CCDC88C: variants seen among roughly 807,000 people sequenced by gnomAD.
The protein encoded by CCDC88C is coiled-coil and HOOK domain protein 88C, also known as protein Daple.
In CCDC88C, 131 loss-of-function variants were observed where a neutral mutation model predicts 198.8. The ratio of observed to expected loss-of-function variants is 0.66; its 90% CI spans 0.57 to 0.76. The LOEUF (loss-of-function observed/expected upper bound fraction) is 0.76, where lower values mean the gene tolerates loss of function less well. Ranked by LOEUF, CCDC88C falls within the 30% of genes least tolerant of loss-of-function variation. The probability of loss-of-function intolerance (pLI) is 0.00; values close to 1 mark genes in which losing one functional copy is unlikely to be tolerated. For synonymous variants in CCDC88C, 1,166 were observed against 1,114.7 expected, an observed-to-expected ratio of 1.05 and a Z score of -0.92; for missense variants, 2,553 against 2,631.6, an observed-to-expected ratio of 0.97 and a Z score of 0.65.
intron 22 of CCDC88C, among the ~76,000 whole-genome samples, chr14:91,294,684 T>C (rs1890923241): frequency 6.6e-6 from 1 of 152,248 alleles, no homozygotes; most frequent in African/African-American, 2.4e-5. Context: ...GATGGAGTTT[T>C]GCTCTTGTTG....
In CCDC88C at chr14:91,339,801, T is replaced by C; in HGVS notation, c.624+83A>G. On this transcript the variant is annotated intron_variant, in intron 7 of 29. Coordinates refer to ENST00000389857, the MANE Select transcript of CCDC88C (RefSeq NM_001080414.4). The surrounding 1 kb of genome is among the most constrained non-coding windows in gnomAD (Gnocchi z 5.8). ...GAACCTCAGCAGCAGGACCGAGGCG[T>C]CTAGGCTGAAGATGAAGGGAGAGGA... 7.0e-7 allele frequency: 1 copy of C among 1,431,404 alleles called. No individual in the cohort carries two copies. Among genetic ancestry groups the C allele is most frequent in the Non-Finnish European group, 9.3e-7 (1 of 1,080,208 alleles). 88.7% of individuals were successfully genotyped at this position (1,431,404 alleles called of 1,614,324 possible).
intron 15 of CCDC88C, among the ~76,000 whole-genome samples, chr14:91,310,926 A>G (rs1891792550): frequency 6.6e-6 from 1 of 152,106 alleles, no homozygotes; most frequent in African/African-American, 2.4e-5. Context: ...GCTCCCCCAA[A>G]TTTCCCAGCC....
At chr14:91,382,604 C>T (rs751018600) in intron 3 of CCDC88C, among the ~76,000 whole-genome samples, 34 of 152,102 alleles carry the variant, frequency 2.2e-4, no homozygotes, top group Non-Finnish European at 4.6e-4. Context: ...CCAGAGAAGA[C>T]GGAGAAATAC....
chr14:91,290,903 G>A (rs140202979), intron 24 of CCDC88C, 92 bp downstream of exon 24: 38 of 749,720 alleles, frequency 5.1e-5, no homozygotes, highest in Non-Finnish European at 6.4e-5. Flanking sequence ...TGGATGGTGC[G>A]GGGCCTGCCC....
At position 91,273,273 on chromosome 14, in the gene CCDC88C, G is replaced by A; in HGVS notation, c.5439C>T (p.Leu1813=). Residue 1813 remains leucine, a synonymous_variant, in exon 30 of 30, where the codon CTC becomes CTT. Coordinates refer to ENST00000389857, the MANE Select transcript of CCDC88C (RefSeq NM_001080414.4). This position sits in a 1 kb window ranked among gnomAD's most constrained non-coding sequence, Gnocchi z 5.6. ...RAFSLASADL[L]RASGPEACKQ... is the part of the protein sequence containing the mutation. ...TGCAGGCCTCTGGCCCGCTGGCCCG[G>A]AGAAGGTCAGCTGAGGCCAGGCTGA... 6.4e-7 allele frequency: 1 copy of A among 1,559,656 alleles called. No homozygotes were observed. Among genetic ancestry groups the A allele is most frequent in the Non-Finnish European group, 8.7e-7 (1 of 1,151,560 alleles).
Position 91,273,605 on chromosome 14 carries a change from C to G in CCDC88C, c.5107G>C (p.Ala1703Pro). ...DDLLSDYFRK[A>P]SDPPAIGGQP... ...CCTCCGATGGCTGGGGGATCGCTGG[C>G]CTTTCGGAAGTAGTCACTCAGCAGG... The change falls in exon 30 of 30, where the codon GCC becomes CCC. Residue 1703 changes from alanine (A) to proline (P), a missense_variant. Ala to Pro is a conservative substitution (Grantham distance 27). Around this residue, in one of 2 missense-constraint regions of CCDC88C, gnomAD observed 1,293 missense variants for 1,219.6 expected, o/e 1.06. Transcript: ENST00000389857. The surrounding 1 kb of genome is among the most constrained non-coding windows in gnomAD (Gnocchi z 5.6). 3 of 1,492,544 alleles carry G rather than the reference C, an allele frequency of 2.0e-6. No homozygotes were observed. The highest frequency in any genetic ancestry group is 2.7e-6 in the Non-Finnish European group (3 of 1,120,262). The allele number at this position is 1,492,544 out of a possible 1,614,324, so 92.5% of individuals were successfully genotyped here. A position where few individuals can be genotyped will look rare whatever the true frequency, so the allele number is the denominator to read the frequency against.
Position 91,321,112 on chromosome 14 carries a change from C to A in CCDC88C, c.1527+8G>T, listed in dbSNP as rs151228192. 1 of 1,603,322 alleles carries A rather than the reference C, an allele frequency of 6.2e-7. No individual in the cohort carries two copies. Among genetic ancestry groups the A allele is most frequent in the Non-Finnish European group, 8.5e-7 (1 of 1,174,736 alleles). ...TGCTTCCCCGGTGGCCTAAGGAGGC[C>A]GAGGTACCTTCTTGCTGAGCTGGTG... is the stretch of plus-strand genomic sequence containing the variant. On this transcript the variant is annotated splice_region_variant and intron_variant, in intron 13 of 29. Coordinates refer to ENST00000389857, the MANE Select transcript of CCDC88C (RefSeq NM_001080414.4).
At chr14:91,342,150 G>T (rs78925258) in intron 6 of CCDC88C, 3 of 326,670 alleles carry the variant, frequency 9.2e-6, no homozygotes, top group African/African-American at 2.2e-5. Flanking sequence ...TGATTGAGGT[G>T]TTTTTTTTTT....
chr14:91,380,723 G>T (rs879883882), intron 3 of CCDC88C, among the ~76,000 whole-genome samples: 3 of 152,044 alleles, frequency 2.0e-5, no homozygotes, highest in Admixed American at 1.3e-4. Context: ...TAAAATGAAG[G>T]CCTCTGTATG....
intron 19 of CCDC88C, among the ~76,000 whole-genome samples, chr14:91,305,086 AC>A (rs1891502850): frequency 6.6e-6 from 1 of 152,246 alleles, no homozygotes; most frequent in African/African-American, 2.4e-5. Context: ...TACTAAAAAT[AC>A]AAAAATTAGC....
intron 20 of CCDC88C, 34 bp downstream of exon 20, chr14:91,303,667 C>A: frequency 6.5e-7 from 1 of 1,529,928 alleles, no homozygotes; most frequent in East Asian, 2.4e-5. Flanking sequence ...GGACTCTACC[C>A]CTCCCCAGAT....
Position 91,271,926 on chromosome 14 carries a change from G to C in CCDC88C, c.*699C>G, listed in dbSNP as rs1265429934. 1 of 152,810 alleles carries C rather than the reference G, an allele frequency of 6.5e-6. No homozygotes were observed. Among genetic ancestry groups the C allele is most frequent in the Non-Finnish European group, 1.5e-5 (1 of 68,152 alleles). 9.5% of individuals were successfully genotyped at this position (152,810 alleles called of 1,614,324 possible). ...AGAAAAGTGAGCCAGGGAAATCTAG[G>C]AAGGCAGGTGCCTGTGTGGTCCCCA... On this transcript the variant is annotated 3_prime_UTR_variant, in exon 30 of 30. Transcript: ENST00000389857.
intron 3 of CCDC88C, among the ~76,000 whole-genome samples, chr14:91,403,691 T>C (rs968751695): frequency 1.3e-5 from 2 of 152,130 alleles, no homozygotes. Context: ...GCACTTTGGG[T>C]GGCCAAGGCA....
chr14:91,374,390 A>C (rs938072986), intron 3 of CCDC88C, among the ~76,000 whole-genome samples: 3 of 152,212 alleles, frequency 2.0e-5, no homozygotes, highest in Non-Finnish European at 4.4e-5. Flanking sequence ...TATTGGAGTA[A>C]ATGAGAGGGC....
At chr14:91,368,335 G>A (rs184431553) in intron 3 of CCDC88C, among the ~76,000 whole-genome samples, 11 of 152,168 alleles carry the variant, frequency 7.2e-5, no homozygotes, top group African/African-American at 2.6e-4. Context: ...ACATTTCAGA[G>A]GGAAAAAAAG....
At position 91,417,723 on chromosome 14, in the gene CCDC88C, C is replaced by T. The variant is rs551927501; in HGVS notation, c.-33G>A. 380 of 1,477,644 alleles carry T rather than the reference C, an allele frequency of 2.6e-4. 1 individual carries two copies. In the African/African-American group the frequency reaches 3.7e-3, roughly 15 times the overall value. 91.5% of individuals were successfully genotyped at this position (1,477,644 alleles called of 1,614,324 possible). A position where few individuals can be genotyped will look rare whatever the true frequency, so the allele number is the denominator to read the frequency against. On this transcript the variant is annotated 5_prime_UTR_variant, in exon 1 of 30. Transcript: ENST00000389857. The stretch of plus-strand genomic sequence containing the variant: ...CTGCGCCCGCCGGCTCCGCGCCCCC[C>T]GCCCCGCGTCCCCGTTCCCCCGCGC...
chr14:91,277,783 A>T, intron 29 of CCDC88C, 139 bp downstream of exon 29: 2 of 934,598 alleles, frequency 2.1e-6, no homozygotes, highest in South Asian at 2.5e-5. Context: ...CTAGTGCTCT[A>T]GTCAGCCTCT....
Position 91,308,348 on chromosome 14 carries a change from C to T in CCDC88C, c.3006+3G>A, listed in dbSNP as rs375531887. 3 of 1,613,882 alleles carry T rather than the reference C, an allele frequency of 1.9e-6. No individual in the cohort carries two copies. Among genetic ancestry groups the T allele is most frequent in the Non-Finnish European group, 1.7e-6 (2 of 1,179,866 alleles). ...GGCCCCACAGTGCAACCTCCACACT[C>T]ACCATCTGCAGCTCACTCTCTAACT... On this transcript the variant is annotated splice_donor_region_variant and intron_variant, in intron 17 of 29. Transcript: ENST00000389857.
intron 3 of CCDC88C, among the ~76,000 whole-genome samples, chr14:91,374,753 G>A (rs1884276794): frequency 6.6e-6 from 1 of 152,232 alleles, no homozygotes; most frequent in African/African-American, 2.4e-5. Context: ...GCCTCAGGAG[G>A]CACAAGGAAG....
Sources: gnomAD v4.1 joint callset for allele counts (sites outside exome capture counted in the v4.1 genomes callset) on GRCh38, gnomAD v4.1.1 for gene constraint, gnomAD v4.1.1 regional missense constraint, Gnocchi (gnomAD v3.1) non-coding constraint, MANE v1.5 for transcripts, NCBI Gene and HGNC (gene_info 2026-07-23, HGNC 2026-07-21) for gene names.